MYO3B: variants seen among roughly 807,000 people sequenced by gnomAD.
MYO3B encodes the protein myosin-IIIb.
A neutral mutation model predicts 174.6 loss-of-function variants in MYO3B; 156 were observed. The observed-to-expected ratio is 0.89, with a 90% CI of 0.78 to 1.02. MYO3B has a LOEUF of 1.02. Among genes scored for constraint, MYO3B ranks in the 50% least tolerant of loss-of-function variants. The pLI, the probability that MYO3B is intolerant of heterozygous loss-of-function variation, is 0.00. For missense variants in MYO3B, 1,632 were observed against 1,639.4 expected (o/e 1.00, Z 0.08); for synonymous variants, 563 against 569.1 (o/e 0.99, Z 0.15).
chr2:170,390,013 G>T (rs2094400762), intron 14 of MYO3B, among the ~76,000 whole-genome samples: 1 of 151,540 alleles, frequency 6.6e-6, no homozygotes, highest in African/African-American at 2.4e-5. Flanking sequence ...TGTATCCCTG[G>T]CACCTGGTAT....
chr2:170,228,451 C>T (rs1191262401), intron 6 of MYO3B, among the ~76,000 whole-genome samples: 1 of 152,192 alleles, frequency 6.6e-6, no homozygotes, highest in East Asian at 1.9e-4. Context: ...AGCAAATGTG[C>T]TCCTTCACTT....
chr2:170,451,944 T>C (rs902920732), intron 23 of MYO3B, among the ~76,000 whole-genome samples: 4 of 152,230 alleles, frequency 2.6e-5, no homozygotes, highest in African/African-American at 9.6e-5. Context: ...ACGCTTTTAC[T>C]GTGCATTTTA....
intron 22 of MYO3B, among the ~76,000 whole-genome samples, chr2:170,430,480 T>A (rs2094700379): frequency 6.6e-6 from 1 of 151,800 alleles, no homozygotes. Flanking sequence ...CGAGGGATTC[T>A]CCTACCTCAG....
intron 14 of MYO3B, among the ~76,000 whole-genome samples, chr2:170,388,843 G>A (rs1258983203): frequency 6.6e-6 from 1 of 152,208 alleles, no homozygotes; most frequent in African/African-American, 2.4e-5. Context: ...TGTACTTGCA[G>A]TTTCCTCACG....
chr2:170,442,011 G>A (rs1245242971), intron 22 of MYO3B, among the ~76,000 whole-genome samples: 3 of 152,184 alleles, frequency 2.0e-5, no homozygotes, highest in Non-Finnish European at 2.9e-5. Context: ...TCAAGATGAA[G>A]TTGCTGTGGT....
intron 7 of MYO3B, among the ~76,000 whole-genome samples, chr2:170,255,775 A>C (rs2093299485): frequency 6.6e-6 from 1 of 152,236 alleles, no homozygotes; most frequent in South Asian, 2.1e-4. Context: ...GTATTGTACT[A>C]GCTCCGCAGC....
chr2:170,269,499 A>G (rs569788020), intron 7 of MYO3B, among the ~76,000 whole-genome samples: 2 of 152,304 alleles, frequency 1.3e-5, no homozygotes, highest in South Asian at 2.1e-4. Flanking sequence ...GGAAACAAGC[A>G]CTAGCACTTT....
intron 32 of MYO3B, among the ~76,000 whole-genome samples, chr2:170,637,865 C>A (rs1055576619): frequency 6.6e-6 from 1 of 152,078 alleles, no homozygotes; most frequent in African/African-American, 2.4e-5. Context: ...GGAAAATAAC[C>A]AAACCATACC....
At chr2:170,609,665 T>G (rs1695019576) in intron 32 of MYO3B, among the ~76,000 whole-genome samples, 1 of 152,258 alleles carries the variant, frequency 6.6e-6, no homozygotes, top group Non-Finnish European at 1.5e-5. Flanking sequence ...TCCCTATGGT[T>G]CAATGCTGCT....
chr2:170,329,265 A>G lies in MYO3B; in HGVS notation c.750-6120A>G, dbSNP rs557856884. Reference sequence around the variant, plus strand: ...TGTGTGTGTGTGTGTGTGTGTATATATATAAAATATTTATAGCAGATGCTA... The same window carrying G: ...TGTGTGTGTGTGTGTGTGTGTATATGTATAAAATATTTATAGCAGATGCTA... On this transcript the variant is annotated intron_variant, in intron 7 of 34. Transcript: ENST00000408978. Among the ~76,000 whole-genome samples the G allele has an allele frequency of 7.1e-3, 1,050 of 148,370 alleles. 10 individuals carry two copies. The highest frequency in any genetic ancestry group is 0.025 in the African/African-American group (994 of 39,356).
intron 22 of MYO3B, among the ~76,000 whole-genome samples, chr2:170,439,075 GTTT>G (rs369103393): frequency 1.5e-5 from 2 of 131,794 alleles, no homozygotes; most frequent in African/African-American, 2.9e-5. Context: ...TATTTAAATT[GTTT>G]TTTTTTTTTT....
intron 32 of MYO3B, among the ~76,000 whole-genome samples, chr2:170,567,391 G>C (rs1294760790): frequency 1.3e-5 from 2 of 152,140 alleles, no homozygotes; most frequent in African/African-American, 4.8e-5. Flanking sequence ...GATTTTAGTT[G>C]ATGCTAGTGA....
intron 7 of MYO3B, among the ~76,000 whole-genome samples, chr2:170,333,065 T>G (rs952113047): frequency 2.0e-5 from 3 of 152,154 alleles, no homozygotes; most frequent in Admixed American, 6.6e-5. Context: ...GACAGTAGAT[T>G]GCTTAAGCAG....
intron 24 of MYO3B, 46 bp downstream of exon 24, chr2:170,463,491 C>A: frequency 6.6e-7 from 1 of 1,523,892 alleles, no homozygotes; most frequent in South Asian, 1.2e-5. Flanking sequence ...CCAAAAAGGA[C>A]TGTCTAAGCC....
chr2:170,489,710 G>A (rs866433229), intron 25 of MYO3B, among the ~76,000 whole-genome samples: 1 of 150,150 alleles, frequency 6.7e-6, no homozygotes, highest in South Asian at 2.1e-4. Context: ...TGTGTGGTGT[G>A]TAGACTCAGT....
chr2:170,301,857 C>G (rs1171421435), intron 7 of MYO3B, among the ~76,000 whole-genome samples: 3 of 139,674 alleles, frequency 2.1e-5, no homozygotes, highest in Non-Finnish European at 4.6e-5. Flanking sequence ...AGAGCGGCCA[C>G]ATAGGCAAAG....
At position 170,374,106 on chromosome 2, in the gene MYO3B, G is replaced by A. The variant is rs748164487; in HGVS notation, c.971+4729G>A. Among the ~76,000 whole-genome samples the A allele has an allele frequency of 9.9e-5, 15 of 152,164 alleles. No homozygotes were observed. The East Asian group carries it at 1.3e-3, about 14-fold the overall frequency. On this transcript the variant is annotated intron_variant, in intron 9 of 34. Transcript: ENST00000408978. The stretch of plus-strand genomic sequence containing the variant: ...CAGAAAATGCACCATCACCACTGCC[G>A]CCTTTCTCATCTGTCATCTCAATTA...
chr2:170,509,748 C>A (rs1447586176), intron 28 of MYO3B, among the ~76,000 whole-genome samples: 1 of 151,970 alleles, frequency 6.6e-6, no homozygotes, highest in Non-Finnish European at 1.5e-5. Context: ...TCCATTGTCA[C>A]CCTGCTTCTG....
At chr2:170,409,705 T>C (rs1261788970) in intron 22 of MYO3B, among the ~76,000 whole-genome samples, 2 of 152,246 alleles carry the variant, frequency 1.3e-5, no homozygotes, top group Admixed American at 6.5e-5. Flanking sequence ...GAGGGAAATA[T>C]AGGAGTAAAG....
Sources: gnomAD v4.1 joint callset for allele counts (sites outside exome capture counted in the v4.1 genomes callset) on GRCh38, gnomAD v4.1.1 for gene constraint, MANE v1.5 for transcripts, NCBI Gene and HGNC (gene_info 2026-07-23, HGNC 2026-07-21) for gene names.